Variants in MDGA2 observed in about 807,000 individuals in gnomAD.
MDGA2 encodes the protein MAM domain-containing glycosylphosphatidylinositol anchor protein 2.
A neutral mutation model predicts 117.8 loss-of-function variants in MDGA2; 40 were observed. That is an observed-to-expected ratio of 0.34 (90% CI 0.26 to 0.44). The LOEUF is 0.44. Ranked by LOEUF, MDGA2 falls within the 20% of genes least tolerant of loss-of-function variation. The pLI, the probability that MDGA2 is intolerant of heterozygous loss-of-function variation, is 1.00. For missense variants in MDGA2, 1,123 were observed against 1,250.6 expected (o/e 0.90, Z 1.54); for synonymous variants, 452 against 439.0 (o/e 1.03, Z -0.37).
At chr14:47,390,251 A>C (rs75682477) in intron 1 of MDGA2, among the ~76,000 whole-genome samples, 2 of 152,186 alleles carry the variant, frequency 1.3e-5, no homozygotes, top group East Asian at 3.9e-4. Context: ...TCTCTTTGCA[A>C]TATATGTAAC....
At chr14:47,120,727 A>C (rs990066470) in intron 5 of MDGA2, among the ~76,000 whole-genome samples, 7 of 152,194 alleles carry the variant, frequency 4.6e-5, no homozygotes, top group Non-Finnish European at 7.4e-5. Context: ...ATGCTAATAT[A>C]TCTCTGATAC....
intron 2 of MDGA2, among the ~76,000 whole-genome samples, chr14:47,275,912 G>A (rs1888297651): frequency 6.6e-6 from 1 of 152,076 alleles, no homozygotes; most frequent in African/African-American, 2.4e-5. Flanking sequence ...TTAACTTTGT[G>A]TCCTCTGAAA....
intron 1 of MDGA2, among the ~76,000 whole-genome samples, chr14:47,398,108 T>C (rs559393155): frequency 6.6e-6 from 1 of 152,148 alleles, no homozygotes; most frequent in African/African-American, 2.4e-5. Flanking sequence ...ATGATTGGTG[T>C]CTGGTCCAGG....
intron 10 of MDGA2, among the ~76,000 whole-genome samples, chr14:46,916,288 G>T (rs1425974417): frequency 2.0e-5 from 3 of 152,084 alleles, no homozygotes; most frequent in Admixed American, 2.0e-4. Flanking sequence ...GAGGGGCGGA[G>T]GAGCTGGGGT....
At chr14:47,440,848 A>G (rs1594857972) in intron 1 of MDGA2, among the ~76,000 whole-genome samples, 1 of 152,068 alleles carries the variant, frequency 6.6e-6, no homozygotes, top group African/African-American at 2.4e-5. Flanking sequence ...TACGTAAAAA[A>G]AATTTACTTC....
At chr14:47,370,496 T>TTTTTTTTTTTTTTTTTTTTTTC (rs1891329334) in intron 1 of MDGA2, among the ~76,000 whole-genome samples, 1 of 101,076 alleles carries the variant, frequency 9.9e-6, no homozygotes, top group Admixed American at 1.1e-4. Flanking sequence ...TTTTTTTTTT[T>TTTTTTTTTTTTTTTTTTTTTTC]TTGTGTGTGT....
chr14:47,624,317 G>C lies in MDGA2; in HGVS notation c.280+50200C>G, dbSNP rs544839535. ...TACTCAAAACACAAAAATTAGCCAG[G>C]CATGGTGGCGGCCATCTGTAATCCC... is the stretch of plus-strand genomic sequence containing the variant. On this transcript the variant is annotated intron_variant, in intron 1 of 16. Transcript: ENST00000399232. Among the ~76,000 whole-genome samples the C allele has an allele frequency of 4.6e-5, 7 of 152,238 alleles. 1 individual carries two copies. In the South Asian group the frequency reaches 1.0e-3, roughly 23 times the overall value.
intron 9 of MDGA2, among the ~76,000 whole-genome samples, chr14:46,929,113 T>G (rs1191930466): frequency 6.6e-6 from 1 of 152,194 alleles, no homozygotes; most frequent in Non-Finnish European, 1.5e-5. Flanking sequence ...GTATTGTTAC[T>G]AGGTTCTTAT....
At chr14:46,861,042 G>A (rs578184693) in intron 14 of MDGA2, among the ~76,000 whole-genome samples, 22 of 151,440 alleles carry the variant, frequency 1.5e-4, no homozygotes, top group Non-Finnish European at 2.5e-4. Flanking sequence ...GTAATCCTTT[G>A]GCATTTTTCA....
chr14:46,923,659 A>G (rs1296792253), intron 9 of MDGA2, among the ~76,000 whole-genome samples: 3 of 148,010 alleles, frequency 2.0e-5, no homozygotes, highest in Non-Finnish European at 3.0e-5. Flanking sequence ...CTTTCTACTG[A>G]GCCTACTGTG....
chr14:47,396,361 C>T (rs1485617148), intron 1 of MDGA2, among the ~76,000 whole-genome samples: 1 of 151,952 alleles, frequency 6.6e-6, no homozygotes, highest in Admixed American at 6.6e-5. Context: ...CATGAAAACC[C>T]TTTTTTCTTT....
At chr14:46,973,664 G>T (rs749076227) in intron 8 of MDGA2, among the ~76,000 whole-genome samples, 15 of 152,084 alleles carry the variant, frequency 9.9e-5, no homozygotes, top group Non-Finnish European at 1.6e-4. Flanking sequence ...AAAGGCAAAA[G>T]AATGTTTCAG....
intron 8 of MDGA2, among the ~76,000 whole-genome samples, chr14:47,008,810 TTTTA>T (rs1419955657): frequency 2.0e-5 from 3 of 151,998 alleles, no homozygotes; most frequent in Non-Finnish European, 4.4e-5. Flanking sequence ...ACTCCAGTAT[TTTTA>T]TTTATTTTTG....
In MDGA2 at chr14:47,601,794, A is replaced by C. The variant is rs554146707; in HGVS notation, c.280+72723T>G. On this transcript the variant is annotated intron_variant, in intron 1 of 16. Coordinates refer to ENST00000399232, the MANE Select transcript of MDGA2 (RefSeq NM_001113498.3). ...GAATAGTGTTTAGATCTGTTAGCCC[A>C]GTGCATATGAAAGCGAGTCTGTGTA... Among the ~76,000 whole-genome samples, 122 of 152,314 alleles carry C rather than the reference A, an allele frequency of 8.0e-4. 1 individual carries two copies. Among genetic ancestry groups the C allele is most frequent in the Non-Finnish European group, 1.6e-3 (107 of 68,024 alleles).
At chr14:47,107,859 G>A (rs1880807296) in intron 5 of MDGA2, among the ~76,000 whole-genome samples, 1 of 151,398 alleles carries the variant, frequency 6.6e-6, no homozygotes, top group African/African-American at 2.4e-5. Context: ...AATACTTTTA[G>A]AGGCCCTCAA....
intron 3 of MDGA2, among the ~76,000 whole-genome samples, chr14:47,192,394 C>T (rs1885147465): frequency 2.0e-5 from 3 of 152,006 alleles, no homozygotes; most frequent in Non-Finnish European, 4.4e-5. Flanking sequence ...GTGGGTGGAT[C>T]GCTTGAGCTC....
chr14:47,524,795 A>AG (rs977520150), intron 1 of MDGA2, among the ~76,000 whole-genome samples: 2 of 152,148 alleles, frequency 1.3e-5, no homozygotes, highest in African/African-American at 4.8e-5. Flanking sequence ...AATGCCTGTG[A>AG]GGGGGCCTTC....
chr14:47,369,094 T>C (rs1453054365), intron 1 of MDGA2, among the ~76,000 whole-genome samples: 1 of 152,168 alleles, frequency 6.6e-6, no homozygotes, highest in African/African-American at 2.4e-5. Context: ...TGGAGTTTTA[T>C]GCCTAGATAG....
chr14:47,275,440 A>C (rs910276201), intron 2 of MDGA2, among the ~76,000 whole-genome samples: 1 of 152,288 alleles, frequency 6.6e-6, no homozygotes, highest in African/African-American at 2.4e-5. Context: ...AATGTAATAT[A>C]AACATTTAAA....
Sources: gnomAD v4.1 joint callset for allele counts (sites outside exome capture counted in the v4.1 genomes callset) on GRCh38, gnomAD v4.1.1 for gene constraint, MANE v1.5 for transcripts, NCBI Gene and HGNC (gene_info 2026-07-23, HGNC 2026-07-21) for gene names.